The following VPS13B variants were observed in gnomAD, a reference collection of about 807,000 sequenced individuals.
VPS13B encodes the protein vacuolar protein sorting 13 homolog B.
In VPS13B, 285 loss-of-function variants were observed where a neutral mutation model predicts 426.4. The observed-to-expected ratio is 0.67, with a 90% CI of 0.61 to 0.74. The LOEUF (loss-of-function observed/expected upper bound fraction) is 0.74. VPS13B is among the 30% of genes least tolerant of loss of function. The pLI is 0.00. For synonymous variants in VPS13B, 1,676 were observed against 1,676.4 expected (o/e 1.00, Z 0.01); for missense variants, 4,537 against 4,782.6 (o/e 0.95, Z 1.51).
chr8:99,061,409 G>A (rs1260242844), intron 3 of VPS13B, among the ~76,000 whole-genome samples: 1 of 149,988 alleles, frequency 6.7e-6, no homozygotes, highest in African/African-American at 2.5e-5. Flanking sequence ...TCTGACCTGA[G>A]TTTTCTATGG....
intron 43 of VPS13B, among the ~76,000 whole-genome samples, chr8:99,800,446 CT>C (rs34491406): frequency 2.0e-5 from 3 of 152,062 alleles, no homozygotes; most frequent in Non-Finnish European, 2.9e-5. Context: ...TCATTTCATA[CT>C]TTTTTAACTG....
chr8:99,725,723 G>A (rs930681564), intron 39 of VPS13B, among the ~76,000 whole-genome samples: 4 of 152,112 alleles, frequency 2.6e-5, no homozygotes, highest in South Asian at 2.1e-4. Context: ...TTTATGGAAC[G>A]AATGAATGTG....
intron 23 of VPS13B, among the ~76,000 whole-genome samples, chr8:99,459,635 G>C (rs1271567853): frequency 6.6e-6 from 1 of 152,096 alleles, no homozygotes; most frequent in Non-Finnish European, 1.5e-5. Context: ...GTTAATAATG[G>C]TAAGTATTTT....
intron 12 of VPS13B, among the ~76,000 whole-genome samples, chr8:99,141,541 T>G (rs992207638): frequency 2.6e-5 from 4 of 152,136 alleles, no homozygotes; most frequent in Non-Finnish European, 4.4e-5. Context: ...TGAAAAGTAA[T>G]GGTTTTGATG....
chr8:99,317,004 T>C (rs1163433156), intron 19 of VPS13B, among the ~76,000 whole-genome samples: 1 of 152,262 alleles, frequency 6.6e-6, no homozygotes, highest in East Asian at 1.9e-4. Context: ...TAAAAGGGAA[T>C]GCATGTCAGC....
At chr8:99,383,211 G>C (rs1455325770) in intron 19 of VPS13B, among the ~76,000 whole-genome samples, 1 of 152,100 alleles carries the variant, frequency 6.6e-6, no homozygotes, top group Non-Finnish European at 1.5e-5. Context: ...CTTCCGCTTT[G>C]TGTTTTATGT....
chr8:99,582,159 A>G (rs189898004), intron 33 of VPS13B, among the ~76,000 whole-genome samples: 19 of 152,134 alleles, frequency 1.2e-4, no homozygotes, highest in African/African-American at 4.3e-4. Flanking sequence ...TTACCTTCTT[A>G]CAAGATAGTC....
chr8:99,096,488 G>T, intron 4 of VPS13B, 56 bp downstream of exon 4: 1 of 1,606,534 alleles, frequency 6.2e-7, no homozygotes, highest in Non-Finnish European at 8.5e-7. Flanking sequence ...GGGCATGGTG[G>T]CTCATGCCTG....
At chr8:99,113,167 T>C (rs1160279740) in intron 6 of VPS13B, among the ~76,000 whole-genome samples, 4 of 149,948 alleles carry the variant, frequency 2.7e-5, no homozygotes, top group Non-Finnish European at 5.9e-5. Context: ...GGCACAATCA[T>C]ACTTCACTGT....
At chr8:99,170,960 G>A (rs148894470) in intron 16 of VPS13B, among the ~76,000 whole-genome samples, 4,954 of 151,424 alleles carry the variant, frequency 0.033, 116 homozygotes, top group Non-Finnish European at 0.048. Context: ...TAGAAAATTA[G>A]CATTAATTTC....
At chr8:99,243,210 A>G (rs143417669) in intron 17 of VPS13B, among the ~76,000 whole-genome samples, 68 of 152,334 alleles carry the variant, frequency 4.5e-4, no homozygotes, top group Middle Eastern at 3.4e-3. Flanking sequence ...GAAGAAACCA[A>G]GTACCTCAAT....
intron 8 of VPS13B, 177 bp downstream of exon 8, chr8:99,121,622 G>A: frequency 7.1e-7 from 1 of 1,417,366 alleles, no homozygotes; most frequent in Non-Finnish European, 9.2e-7. Context: ...TTTGAATTCT[G>A]ATCCCTTCCT....
At chr8:99,392,720 G>A (rs2133315331) in intron 21 of VPS13B, among the ~76,000 whole-genome samples, 1 of 152,024 alleles carries the variant, frequency 6.6e-6, no homozygotes, top group East Asian at 1.9e-4. Flanking sequence ...TTTGTTTATG[G>A]TATTTTATAC....
chr8:99,124,179 G>A (rs1848078352), intron 8 of VPS13B, among the ~76,000 whole-genome samples: 1 of 152,192 alleles, frequency 6.6e-6, no homozygotes, highest in Non-Finnish European at 1.5e-5. Context: ...AGGTTTTAAA[G>A]AGGAGGGAAT....
chr8:99,813,794 T>C (rs961058178), intron 44 of VPS13B, among the ~76,000 whole-genome samples: 1 of 152,182 alleles, frequency 6.6e-6, no homozygotes, highest in Non-Finnish European at 1.5e-5. Context: ...AAAACAACAA[T>C]GACATTTAAT....
intron 42 of VPS13B, among the ~76,000 whole-genome samples, chr8:99,783,960 C>T (rs1046100480): frequency 6.6e-6 from 1 of 152,136 alleles, no homozygotes; most frequent in Non-Finnish European, 1.5e-5. Context: ...TTCTAGCCTC[C>T]AGTACTCTGC....
At chr8:99,221,576 A>C (rs1048970902) in intron 17 of VPS13B, among the ~76,000 whole-genome samples, 1 of 152,206 alleles carries the variant, frequency 6.6e-6, no homozygotes, top group African/African-American at 2.4e-5. Flanking sequence ...ATACATCTAA[A>C]TGACTATTGC....
At chr8:99,278,392 A>G (rs2133009147) in intron 19 of VPS13B, among the ~76,000 whole-genome samples, 1 of 152,362 alleles carries the variant, frequency 6.6e-6, no homozygotes, top group East Asian at 1.9e-4. Context: ...AGAAATATTA[A>G]TGGTATTAGT....
chr8:99,247,197 CT>C (rs1483714226), intron 17 of VPS13B, among the ~76,000 whole-genome samples: 3 of 151,946 alleles, frequency 2.0e-5, no homozygotes, highest in Non-Finnish European at 4.4e-5. Flanking sequence ...TTAACTCCTT[CT>C]ATTAAAATAG....
Sources: allele counts gnomAD v4.1 joint callset (sites outside exome capture counted in the v4.1 genomes callset), GRCh38; gene constraint gnomAD v4.1.1; transcripts MANE v1.5; gene names NCBI Gene and HGNC (gene_info 2026-07-23, HGNC 2026-07-21).